AFG2A: variants seen among roughly 807,000 people sequenced by gnomAD.
The protein encoded by AFG2A is ATPase family gene 2 protein homolog A.
the AFG2A span, among the ~76,000 whole-genome samples, chr4:123,119,883 C>T: frequency 3.3e-5 from 5 of 152,004 alleles, no homozygotes; most frequent in South Asian, 2.1e-4. Flanking sequence ...ACAATCATGG[C>T]GGAAGGCACC....
chr4:123,248,039 A>G, the AFG2A span, among the ~76,000 whole-genome samples: 888 of 152,184 alleles, frequency 5.8e-3, 12 homozygotes, highest in African/African-American at 0.02. Flanking sequence ...ACCAAGTCAT[A>G]TGCTTCTGTA....
At chr4:122,933,357 C>T in the AFG2A span, 1 of 1,050,996 alleles carries the variant, frequency 9.5e-7, no homozygotes. Flanking sequence ...TATATTATAA[C>T]CATATACATG....
chr4:123,179,760 TATC>T, the AFG2A span, among the ~76,000 whole-genome samples: 1 of 152,216 alleles, frequency 6.6e-6, no homozygotes, highest in Admixed American at 6.5e-5. Context: ...ACATAATAAA[TATC>T]ATCCCTTTGA....
chr4:123,149,208 A>T, the AFG2A span, among the ~76,000 whole-genome samples: 100 of 152,330 alleles, frequency 6.6e-4, 2 homozygotes, highest in East Asian at 0.016. Context: ...CTAAAGTGAG[A>T]TGGAGATAAA....
At chr4:123,298,971 C>G in the AFG2A span, among the ~76,000 whole-genome samples, 2 of 152,138 alleles carry the variant, frequency 1.3e-5, no homozygotes, top group Non-Finnish European at 2.9e-5. Flanking sequence ...AGGTTGCTGC[C>G]AGAGTGATAG....
chr4:123,084,455 C>G, the AFG2A span, among the ~76,000 whole-genome samples: 1 of 151,680 alleles, frequency 6.6e-6, no homozygotes, highest in Non-Finnish European at 1.5e-5. Flanking sequence ...GTACTGCTTT[C>G]TCTGCATTGA....
the AFG2A span, chr4:123,102,106 T>C: frequency 6.6e-6 from 1 of 151,908 alleles, no homozygotes; most frequent in Non-Finnish European, 1.5e-5. Context: ...AGATTATCAA[T>C]GTTATATAAA....
the AFG2A span, among the ~76,000 whole-genome samples, chr4:123,100,789 A>C: frequency 6.6e-6 from 1 of 151,886 alleles, no homozygotes; most frequent in African/African-American, 2.4e-5. Context: ...TTGTGCAGTT[A>C]ATTTGATTTA....
chr4:123,190,138 G>T, the AFG2A span, among the ~76,000 whole-genome samples: 3 of 152,154 alleles, frequency 2.0e-5, no homozygotes, highest in East Asian at 3.9e-4. Context: ...CTAAGTAATG[G>T]TCCTGGGAAC....
the AFG2A span, among the ~76,000 whole-genome samples, chr4:123,279,042 T>C: frequency 5.9e-5 from 9 of 152,174 alleles, no homozygotes; most frequent in Non-Finnish European, 1.3e-4. Context: ...CCCCAGAATT[T>C]AGGACCATGT....
chr4:123,248,707 A>C, the AFG2A span, among the ~76,000 whole-genome samples: 1 of 152,198 alleles, frequency 6.6e-6, no homozygotes, highest in African/African-American at 2.4e-5. Flanking sequence ...CTGAATATCA[A>C]TTCTTTTTAA....
the AFG2A span, among the ~76,000 whole-genome samples, chr4:123,144,661 C>T: frequency 6.6e-6 from 1 of 152,040 alleles, no homozygotes. Context: ...TGATTAAAAG[C>T]AAAAGCATTT....
chr4:123,174,820 A>T, the AFG2A span, among the ~76,000 whole-genome samples: 40,311 of 76,424 alleles, frequency 0.53, 8,481 homozygotes, highest in African/African-American at 0.65. Flanking sequence ...GATCTTTTTT[A>T]AAAAAAATAT....
the AFG2A span, chr4:122,947,098 G>T: frequency 2.9e-6 from 2 of 687,802 alleles, no homozygotes. Flanking sequence ...GATAGGTAAT[G>T]AAAGCGTAAG....
the AFG2A span, among the ~76,000 whole-genome samples, chr4:122,945,899 A>C: frequency 1.3e-5 from 2 of 152,214 alleles, no homozygotes; most frequent in African/African-American, 4.8e-5. Flanking sequence ...TAGTAATTTT[A>C]AGAGTCTGTA....
At chr4:123,005,548 T>C in the AFG2A span, among the ~76,000 whole-genome samples, 3 of 152,230 alleles carry the variant, frequency 2.0e-5, no homozygotes, top group Non-Finnish European at 4.4e-5. Flanking sequence ...AAATTTCTTC[T>C]TCTTCCTCTA....
the AFG2A span, among the ~76,000 whole-genome samples, chr4:123,118,114 A>T: frequency 3.7e-3 from 551 of 150,730 alleles, 5 homozygotes; most frequent in African/African-American, 0.013. Flanking sequence ...TGAATTGGTA[A>T]CATATGTATA....
the AFG2A span, among the ~76,000 whole-genome samples, chr4:123,079,338 C>T: frequency 6.6e-6 from 1 of 152,176 alleles, no homozygotes; most frequent in Admixed American, 6.5e-5. Flanking sequence ...CAGTAAGACA[C>T]TTGGCCATCT....
At chr4:123,262,713 CTTG>C in the AFG2A span, among the ~76,000 whole-genome samples, 10 of 152,108 alleles carry the variant, frequency 6.6e-5, no homozygotes, top group Non-Finnish European at 1.5e-4. Flanking sequence ...AGTTAGGAAC[CTTG>C]TTTTTATCAA....
Sources: allele counts gnomAD v4.1 joint callset (sites outside exome capture counted in the v4.1 genomes callset), GRCh38; gene constraint gnomAD v4.1.1; transcripts MANE v1.5; gene names NCBI Gene and HGNC (gene_info 2026-07-23, HGNC 2026-07-21).